The following IGF2BP3 variants were observed in gnomAD, a reference collection of about 807,000 sequenced individuals.
IGF2BP3 encodes the protein insulin like growth factor 2 mRNA binding protein 3, also known as insulin-like growth factor 2 mRNA-binding protein 3.
Under a neutral mutation model 73.8 loss-of-function variants are expected in IGF2BP3, and 9 were observed. The observed-to-expected ratio is 0.12, with a 90% confidence interval of 0.07 to 0.21. The LOEUF is 0.21. IGF2BP3 is among the 10% of genes least tolerant of loss of function. The pLI, the probability that IGF2BP3 is intolerant of heterozygous loss-of-function variation, is 1.00. For synonymous variants in IGF2BP3, 258 were observed against 256.7 expected (o/e 1.01, Z -0.05); for missense variants, 542 against 714.0 (o/e 0.76, Z 2.75).
intron 2 of IGF2BP3, among the ~76,000 whole-genome samples, chr7:23,444,696 T>C (rs529166571): frequency 4.7e-5 from 7 of 148,140 alleles, no homozygotes; most frequent in South Asian, 4.2e-4. Context: ...TGGGCTCAGA[T>C]TGCAACACTG....
intron 2 of IGF2BP3, among the ~76,000 whole-genome samples, chr7:23,419,839 C>T (rs1162642690): frequency 1.3e-5 from 2 of 151,914 alleles, no homozygotes; most frequent in East Asian, 1.9e-4. Flanking sequence ...GGCGACAGAG[C>T]GAGACTCCAT....
At chr7:23,420,634 T>TCTTCCCTTTCCCC (rs1235855748) in intron 2 of IGF2BP3, among the ~76,000 whole-genome samples, 1 of 152,184 alleles carries the variant, frequency 6.6e-6, no homozygotes, top group Non-Finnish European at 1.5e-5. Context: ...GTCCTTTGCC[T>TCTTCCCTTTCCCC]CTTCCCTTTC....
intron 3 of IGF2BP3, chr7:23,362,513 G>C (rs1785256336): frequency 6.6e-6 from 1 of 152,140 alleles, no homozygotes; most frequent in Admixed American, 6.5e-5. Context: ...ATTTGAAGCT[G>C]TCTATGTTTT....
intron 2 of IGF2BP3, among the ~76,000 whole-genome samples, chr7:23,454,641 TCAGTTTGCACAAGATCA>T (rs1788274925): frequency 1.3e-5 from 2 of 152,222 alleles, no homozygotes; most frequent in Non-Finnish European, 1.5e-5. Flanking sequence ...CAGAGTTTAA[TCAGTTTGCACAAGATCA>T]CAGGGCTAAG....
intron 10 of IGF2BP3, 144 bp from the exon 11 acceptor site, chr7:23,319,398 A>T: frequency 3.2e-6 from 2 of 627,620 alleles, no homozygotes; most frequent in Non-Finnish European, 2.9e-6. Context: ...AGTTGACCAG[A>T]CCTTACCTAA....
chr7:23,344,689 A>C (rs1283431822), intron 8 of IGF2BP3, among the ~76,000 whole-genome samples: 1 of 152,244 alleles, frequency 6.6e-6, no homozygotes, highest in East Asian at 1.9e-4. Flanking sequence ...TTATTGGTAC[A>C]AATCTCCTTC....
At chr7:23,429,274 T>TA (rs1165282810) in intron 2 of IGF2BP3, among the ~76,000 whole-genome samples, 1 of 152,200 alleles carries the variant, frequency 6.6e-6, no homozygotes, top group Non-Finnish European at 1.5e-5. Context: ...TTTCTTCCAC[T>TA]AAAAAATCTG....
intron 2 of IGF2BP3, among the ~76,000 whole-genome samples, chr7:23,464,923 G>A (rs1788529942): frequency 6.6e-6 from 1 of 151,932 alleles, no homozygotes; most frequent in South Asian, 2.1e-4. Context: ...TCACATAGGA[G>A]GCAGCAACAA....
intron 10 of IGF2BP3, among the ~76,000 whole-genome samples, chr7:23,325,410 A>G (rs1583886007): frequency 6.6e-6 from 1 of 152,172 alleles, no homozygotes; most frequent in South Asian, 2.1e-4. Context: ...CCACTGCTCA[A>G]TGAAATAAAA....
At chr7:23,387,961 G>T (rs1424224850) in intron 3 of IGF2BP3, among the ~76,000 whole-genome samples, 2 of 151,906 alleles carry the variant, frequency 1.3e-5, no homozygotes, top group Non-Finnish European at 2.9e-5. Flanking sequence ...TTTTGAGATG[G>T]AGTCTCGCTC....
At chr7:23,400,947 G>A (rs184451982) in intron 3 of IGF2BP3, among the ~76,000 whole-genome samples, 101 of 152,220 alleles carry the variant, frequency 6.6e-4, no homozygotes, top group Non-Finnish European at 1.1e-3. Flanking sequence ...TTACAAGCAC[G>A]TGCCACCACA....
chr7:23,367,655 T>C (rs1785418277), intron 3 of IGF2BP3, among the ~76,000 whole-genome samples: 1 of 152,160 alleles, frequency 6.6e-6, no homozygotes, highest in Non-Finnish European at 1.5e-5. Context: ...AATTCCCCCG[T>C]TATGTATTTA....
At chr7:23,408,996 T>C (rs1786933913) in intron 3 of IGF2BP3, among the ~76,000 whole-genome samples, 1 of 152,158 alleles carries the variant, frequency 6.6e-6, no homozygotes, top group African/African-American at 2.4e-5. Context: ...GGCTTCAGGA[T>C]GAAACTGTTC....
intron 5 of IGF2BP3, among the ~76,000 whole-genome samples, chr7:23,360,337 G>A (rs529195885): frequency 2.8e-4 from 42 of 152,246 alleles, no homozygotes; most frequent in Non-Finnish European, 5.3e-4. Flanking sequence ...TGCCATATCT[G>A]TACAATCAAA....
chr7:23,445,727 A>G (rs1485778901), intron 2 of IGF2BP3, among the ~76,000 whole-genome samples: 1 of 152,168 alleles, frequency 6.6e-6, no homozygotes, highest in Non-Finnish European at 1.5e-5. Flanking sequence ...ATCATGAGCT[A>G]AAGTTAGACT....
At chr7:23,345,883 A>T in intron 8 of IGF2BP3, 57 bp downstream of exon 8, 1 of 1,583,308 alleles carries the variant, frequency 6.3e-7, no homozygotes, top group South Asian at 1.1e-5. Context: ...CCCAATACAC[A>T]ACATGCAGCT....
intron 2 of IGF2BP3, among the ~76,000 whole-genome samples, chr7:23,425,908 G>A (rs1787494758): frequency 6.6e-6 from 1 of 151,996 alleles, no homozygotes; most frequent in Non-Finnish European, 1.5e-5. Flanking sequence ...CGAGGCTGCA[G>A]TGAGTGGTGG....
At chr7:23,424,099 C>G (rs1312585524) in intron 2 of IGF2BP3, among the ~76,000 whole-genome samples, 1 of 152,076 alleles carries the variant, frequency 6.6e-6, no homozygotes, top group Admixed American at 6.5e-5. Context: ...GCCTAGGCGA[C>G]AGAGTGAGAC....
At chr7:23,367,456 A>C (rs1312566623) in intron 3 of IGF2BP3, among the ~76,000 whole-genome samples, 3 of 150,722 alleles carry the variant, frequency 2.0e-5, no homozygotes, top group East Asian at 3.9e-4. Context: ...CAAAAAAAAA[A>C]CCACGAAAAA....
Sources: gnomAD v4.1 joint callset for allele counts (sites outside exome capture counted in the v4.1 genomes callset) on GRCh38, gnomAD v4.1.1 for gene constraint, MANE v1.5 for transcripts, NCBI Gene and HGNC (gene_info 2026-07-23, HGNC 2026-07-21) for gene names.